The following SIPA1L3 variants were observed in gnomAD, a reference collection of about 807,000 sequenced individuals.
SIPA1L3 encodes signal induced proliferation associated 1 like 3, also known as signal-induced proliferation-associated 1-like protein 3.
Under a neutral mutation model 150.1 loss-of-function variants are expected in SIPA1L3, and 59 were observed. The observed-to-expected ratio is 0.39, with a 90% CI of 0.32 to 0.49. The LOEUF is 0.49. SIPA1L3 is among the 20% of genes least tolerant of loss of function. SIPA1L3 has a pLI of 0.86. For missense variants in SIPA1L3, 2,211 were observed against 2,489.5 expected (o/e 0.89, Z 2.38); for synonymous variants, 1,070 against 1,077.6 (o/e 0.99, Z 0.14).
chr19:38,013,267 A>G (rs1968149091), intron 1 of SIPA1L3, among the ~76,000 whole-genome samples: 1 of 152,168 alleles, frequency 6.6e-6, no homozygotes, highest in Admixed American at 6.6e-5. Context: ...AAGTTGACAC[A>G]TTTCAGCTCG....
intron 2 of SIPA1L3, among the ~76,000 whole-genome samples, chr19:38,030,863 C>T (rs1311251679): frequency 6.6e-6 from 1 of 151,958 alleles, no homozygotes; most frequent in African/African-American, 2.4e-5. Flanking sequence ...ATTGTCTGAT[C>T]CTTGAAGAAC....
intron 1 of SIPA1L3, among the ~76,000 whole-genome samples, chr19:38,005,296 T>C (rs182562667): frequency 1.3e-5 from 2 of 152,276 alleles, no homozygotes; most frequent in East Asian, 3.9e-4. Context: ...AGGCCAGCTC[T>C]TCAGTGTGGC....
intron 14 of SIPA1L3, among the ~76,000 whole-genome samples, chr19:38,163,541 C>A (rs1972140563): frequency 1.3e-5 from 2 of 149,306 alleles, no homozygotes; most frequent in Admixed American, 6.7e-5. Flanking sequence ...ACAAGCACTG[C>A]AGCTCAAGGA....
chr19:38,050,332 T>G (rs1969161037), intron 2 of SIPA1L3, among the ~76,000 whole-genome samples: 1 of 152,062 alleles, frequency 6.6e-6, no homozygotes, highest in South Asian at 2.1e-4. Context: ...GGCGCATGCC[T>G]GTAATCCCAG....
chr19:38,066,408 C>T (rs1298153965), intron 2 of SIPA1L3, among the ~76,000 whole-genome samples: 2 of 152,152 alleles, frequency 1.3e-5, no homozygotes, highest in Non-Finnish European at 2.9e-5. Context: ...GGCATTTGGG[C>T]TGTTCTCAGT....
At chr19:38,033,687 G>A (rs1178758935) in intron 2 of SIPA1L3, among the ~76,000 whole-genome samples, 2 of 151,928 alleles carry the variant, frequency 1.3e-5, no homozygotes, top group East Asian at 1.9e-4. Flanking sequence ...GTGTGTGTGT[G>A]TGTGTGTGTG....
chr19:38,088,685 C>G, intron 3 of SIPA1L3, 36 bp from the exon 4 acceptor site: 1 of 1,605,410 alleles, frequency 6.2e-7, no homozygotes, highest in East Asian at 2.2e-5. Context: ...CCTTCCCAGA[C>G]AGCTGAGCCT....
intron 1 of SIPA1L3, among the ~76,000 whole-genome samples, chr19:37,952,353 TGGACCC>T (rs1280149227): frequency 4.6e-5 from 7 of 151,536 alleles, no homozygotes; most frequent in African/African-American, 1.7e-4. Flanking sequence ...GTAATTTTAG[TGGACCC>T]TAGAATCTAT....
chr19:38,095,425 C>T lies in SIPA1L3; in HGVS notation c.1666-4537C>T, dbSNP rs539465644. 4.6e-5 allele frequency among the ~76,000 whole-genome samples: 7 copies of T among 152,280 alleles called. No homozygotes were observed. The South Asian group carries it at 1.5e-3, about 32-fold the overall frequency. ...AAATGTTCTTGAAGGGTACACCTGC[C>T]GCCCAGCACAGAGTCAAGCGGGGAG... On this transcript the variant is annotated intron_variant, in intron 4 of 21. Transcript: ENST00000222345.
chr19:38,184,200 C>G (rs1008740291), intron 16 of SIPA1L3, among the ~76,000 whole-genome samples: 6 of 151,246 alleles, frequency 4.0e-5, no homozygotes, highest in African/African-American at 1.5e-4. Context: ...TTTTTTGAGA[C>G]GGAGTTTCAT....
chr19:38,155,604 G>A (rs1419018924), intron 13 of SIPA1L3, among the ~76,000 whole-genome samples: 2 of 152,208 alleles, frequency 1.3e-5, no homozygotes, highest in Admixed American at 1.3e-4. Flanking sequence ...AATGAGCAAT[G>A]TTAGAAAGCA....
At chr19:38,124,884 C>T (rs955934453) in intron 9 of SIPA1L3, among the ~76,000 whole-genome samples, 3 of 152,240 alleles carry the variant, frequency 2.0e-5, no homozygotes, top group Non-Finnish European at 4.4e-5. Context: ...CGCCTGCAAT[C>T]GCAGGCACTC....
intron 8 of SIPA1L3, among the ~76,000 whole-genome samples, chr19:38,115,924 C>G (rs1197388801): frequency 1.3e-5 from 2 of 152,130 alleles, no homozygotes; most frequent in Admixed American, 6.5e-5. Context: ...GCGTGGAGTC[C>G]AGGAAGTGCT....
chr19:37,915,798 ATGACCTGTG>A (rs1367601209), intron 1 of SIPA1L3, among the ~76,000 whole-genome samples: 1 of 152,220 alleles, frequency 6.6e-6, no homozygotes, highest in East Asian at 1.9e-4. Context: ...CTCCGGCATC[ATGACCTGTG>A]TGCACTTTGA....
At chr19:38,133,249 C>T (rs1971354965) in intron 10 of SIPA1L3, among the ~76,000 whole-genome samples, 1 of 152,230 alleles carries the variant, frequency 6.6e-6, no homozygotes, top group African/African-American at 2.4e-5. Context: ...CCACATGTCC[C>T]CTCCAGTCCT....
intron 2 of SIPA1L3, among the ~76,000 whole-genome samples, chr19:38,064,227 C>T (rs935304121): frequency 6.6e-6 from 1 of 152,216 alleles, no homozygotes; most frequent in African/African-American, 2.4e-5. Flanking sequence ...CCCAGCCAAC[C>T]CCACAGAGAC....
chr19:38,012,669 AC>A (rs1267524729), intron 1 of SIPA1L3, among the ~76,000 whole-genome samples: 2 of 96,932 alleles, frequency 2.1e-5, no homozygotes, highest in East Asian at 2.8e-4. Flanking sequence ...CATTCCCCCC[AC>A]CCCCCATCCT....
At chr19:37,923,148 A>AG (rs904354354) in intron 1 of SIPA1L3, among the ~76,000 whole-genome samples, 3 of 150,400 alleles carry the variant, frequency 2.0e-5, no homozygotes, top group African/African-American at 7.4e-5. Context: ...AAAAAAAAAA[A>AG]AAGAAGTACA....
chr19:38,095,532 GCT>G (rs1269618614), intron 4 of SIPA1L3, among the ~76,000 whole-genome samples: 2 of 152,228 alleles, frequency 1.3e-5, no homozygotes, highest in Non-Finnish European at 2.9e-5. Flanking sequence ...GCCTTTCACA[GCT>G]CACTTGATTT....
Sources: gnomAD v4.1 joint callset for allele counts (sites outside exome capture counted in the v4.1 genomes callset) on GRCh38, gnomAD v4.1.1 for gene constraint, MANE v1.5 for transcripts, NCBI Gene and HGNC (gene_info 2026-07-23, HGNC 2026-07-21) for gene names.